The following RPRD2 variants were observed in gnomAD, a reference collection of about 807,000 sequenced individuals.
The protein encoded by RPRD2 is regulation of nuclear pre-mRNA domain containing 2.
A neutral mutation model predicts 104.4 loss-of-function variants in RPRD2; 12 were observed. The ratio of observed to expected loss-of-function variants is 0.11; its 90% CI spans 0.07 to 0.19. The LOEUF is 0.19. RPRD2 is among the 10% of genes least tolerant of loss of function. The pLI is 1.00. For missense variants in RPRD2, 1,543 were observed against 1,790.1 expected, an observed-to-expected ratio of 0.86 and a Z score of 2.49; for synonymous variants, 714 against 684.9, an observed-to-expected ratio of 1.04 and a Z score of -0.66.
In RPRD2 at chr1:150,400,903, G is replaced by T. The variant is rs587606570; in HGVS notation, c.206-16693G>T. On this transcript the variant is annotated intron_variant, in intron 1 of 10. Coordinates refer to ENST00000369068, the MANE Select transcript of RPRD2 (RefSeq NM_015203.5). The stretch of plus-strand genomic sequence containing the variant: ...TTTTTTTTAAAAAAAAGAGGGCTGG[G>T]CGCGGTGGCTCACGCTGGCTCCCAG... 2.6e-5 allele frequency among the ~76,000 whole-genome samples: 4 copies of T among 152,056 alleles called. No individual in the cohort carries two copies. In the East Asian group the frequency reaches 7.7e-4, roughly 29 times the overall value.
At chr1:150,412,954 A>G (rs1553887943) in intron 1 of RPRD2, among the ~76,000 whole-genome samples, 1 of 152,082 alleles carries the variant, frequency 6.6e-6, no homozygotes, top group African/African-American at 2.4e-5. Context: ...TTTTCTCCAA[A>G]TAAATCTGAT....
chr1:150,433,879 T>TTA (rs61458847), intron 2 of RPRD2, among the ~76,000 whole-genome samples: 87,805 of 146,836 alleles, frequency 0.6, 26,801 homozygotes, highest in African/African-American at 0.65. Flanking sequence ...TTATATATAG[T>TTA]TATATTATGT....
intron 2 of RPRD2, among the ~76,000 whole-genome samples, chr1:150,435,196 G>GT (rs1439424851): frequency 6.6e-6 from 1 of 152,086 alleles, no homozygotes; most frequent in Non-Finnish European, 1.5e-5. Context: ...GATAAATGTC[G>GT]TGTGTTTTCT....
At chr1:150,400,521 A>C (rs1421315923) in intron 1 of RPRD2, among the ~76,000 whole-genome samples, 1 of 152,144 alleles carries the variant, frequency 6.6e-6, no homozygotes, top group Non-Finnish European at 1.5e-5. Flanking sequence ...TGGCATGCGC[A>C]GTTAACAATA....
chr1:150,417,898 TTTC>T (rs2102277686), intron 2 of RPRD2, among the ~76,000 whole-genome samples, 173 bp downstream of exon 2: 1 of 151,168 alleles, frequency 6.6e-6, no homozygotes, highest in Non-Finnish European at 1.5e-5. Context: ...TTTCTTTTCT[TTTC>T]TTTTCTTTTT....
intron 10 of RPRD2, among the ~76,000 whole-genome samples, chr1:150,468,098 G>A (rs1668391135): frequency 6.6e-6 from 1 of 152,092 alleles, no homozygotes; most frequent in Non-Finnish European, 1.5e-5. Flanking sequence ...GAAGGCAGAG[G>A]TTGCAGTGAG....
chr1:150,403,914 A>G (rs976854953), intron 1 of RPRD2, among the ~76,000 whole-genome samples: 2 of 151,984 alleles, frequency 1.3e-5, no homozygotes, highest in Non-Finnish European at 2.9e-5. Context: ...GATTACAGGC[A>G]TGAGCCACTG....
intron 2 of RPRD2, among the ~76,000 whole-genome samples, chr1:150,426,472 A>T (rs2102304737): frequency 6.6e-6 from 1 of 152,316 alleles, no homozygotes; most frequent in South Asian, 2.1e-4. Context: ...TGCTGTGAGG[A>T]TTAAATAGGC....
intron 9 of RPRD2, 112 bp downstream of exon 9, chr1:150,460,429 A>C: frequency 8.9e-7 from 1 of 1,117,712 alleles, no homozygotes; most frequent in South Asian, 1.5e-5. Flanking sequence ...GTTTAGACAG[A>C]GTTTCGCTCT....
intron 1 of RPRD2, among the ~76,000 whole-genome samples, chr1:150,377,786 C>T (rs1553879942): frequency 6.6e-6 from 1 of 151,918 alleles, no homozygotes; most frequent in East Asian, 1.9e-4. Flanking sequence ...TACCTATAAT[C>T]TTGATGTCAG....
chr1:150,399,753 T>C (rs1455507762), intron 1 of RPRD2, among the ~76,000 whole-genome samples: 1 of 131,434 alleles, frequency 7.6e-6, no homozygotes, highest in Non-Finnish European at 1.7e-5. Flanking sequence ...TGAGACCCCA[T>C]CTCAAAAAAA....
chr1:150,443,713 G>A (rs1249028653), intron 5 of RPRD2, among the ~76,000 whole-genome samples: 1 of 152,108 alleles, frequency 6.6e-6, no homozygotes, highest in Non-Finnish European at 1.5e-5. Context: ...ATCTTTTAAA[G>A]TCTGTAACTA....
At chr1:150,416,936 A>G in intron 1 of RPRD2, among the ~76,000 whole-genome samples, 1 of 151,822 alleles carries the variant, frequency 6.6e-6, no homozygotes, top group Admixed American at 6.6e-5. Context: ...CATACATAGG[A>G]TCATATTATT....
In RPRD2 at chr1:150,473,413, T is replaced by C; in HGVS notation, c.*79T>C. The C allele has an allele frequency of 7.1e-7, 1 of 1,402,544 alleles. No individual in the cohort carries two copies. The highest frequency in any genetic ancestry group is 9.6e-7 in the Non-Finnish European group (1 of 1,046,104). 86.9% of individuals were successfully genotyped at this position (1,402,544 alleles called of 1,614,324 possible). On this transcript the variant is annotated 3_prime_UTR_variant, in exon 11 of 11. Coordinates refer to ENST00000369068, the MANE Select transcript of RPRD2 (RefSeq NM_015203.5). The stretch of plus-strand genomic sequence containing the variant: ...GTTTGGTTTATTGTTGTTGTTTTTA[T>C]TTGTTTTCTCTTTCTCGATTTTTTT...
intron 1 of RPRD2, among the ~76,000 whole-genome samples, chr1:150,388,314 A>C (rs1166989610): frequency 6.6e-6 from 1 of 151,328 alleles, no homozygotes; most frequent in East Asian, 1.9e-4. Flanking sequence ...ATGTGTGTGT[A>C]TATATGTATG....
chr1:150,449,989 T>G lies in RPRD2; in HGVS notation c.870+3588T>G, dbSNP rs201536713. On this transcript the variant is annotated intron_variant, in intron 7 of 10. Coordinates refer to ENST00000369068, the MANE Select transcript of RPRD2 (RefSeq NM_015203.5). ...CTCTTCTCTGCTTCCTTCTAGATAT[T>G]CTACTAACTAGTCTTGTAATTCATT... 4.6e-5 allele frequency among the ~76,000 whole-genome samples: 7 copies of G among 152,300 alleles called. No individual in the cohort carries two copies. The East Asian group carries it at 1.3e-3, about 29-fold the overall frequency.
At chr1:150,420,342 G>A (rs782528163) in intron 2 of RPRD2, among the ~76,000 whole-genome samples, 22 of 151,890 alleles carry the variant, frequency 1.4e-4, no homozygotes, top group East Asian at 1.9e-4. Context: ...ACATAATCTC[G>A]GAATAAAGTA....
In RPRD2 at chr1:150,472,001, G is replaced by A. The variant is rs768368074; in HGVS notation, c.3053G>A (p.Arg1018His). ...EFKNMLKNAS[R>H]KPSDDKHFGQ... ...AAGAATATGCTTAAAAACGCCTCAC[G>A]TAAGCCCTCAGATGATAAGCATTTT... The change falls in exon 11 of 11, where the codon CGT becomes CAT. Residue 1018 changes from arginine to histidine, a missense_variant. Physicochemically the swap from Arg to His is conservative, Grantham distance 29. Coordinates refer to ENST00000369068, the MANE Select transcript of RPRD2 (RefSeq NM_015203.5). 24 of 1,613,762 alleles carry A rather than the reference G, an allele frequency of 1.5e-5. No individual in the cohort carries two copies. Among genetic ancestry groups the A allele is most frequent in the South Asian group, 1.1e-4 (10 of 91,082 alleles).
At chr1:150,422,783 T>C (rs1377022492) in intron 2 of RPRD2, among the ~76,000 whole-genome samples, 2 of 152,242 alleles carry the variant, frequency 1.3e-5, no homozygotes, top group East Asian at 3.8e-4. Context: ...ATTAGGGACA[T>C]TAATTTTATT....
Sources: gnomAD v4.1 joint callset for allele counts (sites outside exome capture counted in the v4.1 genomes callset) on GRCh38, gnomAD v4.1.1 for gene constraint, MANE v1.5 for transcripts, NCBI Gene and HGNC (gene_info 2026-07-23, HGNC 2026-07-21) for gene names.